NRXN3: variants seen among roughly 807,000 people sequenced by gnomAD.
NRXN3 encodes neurexin 3.
Under a neutral mutation model 137.6 loss-of-function variants are expected in NRXN3, and 32 were observed. The ratio of observed to expected loss-of-function variants is 0.23; its 90% CI spans 0.18 to 0.31. The LOEUF is 0.31. Among genes scored for constraint, NRXN3 ranks in the 10% least tolerant of loss-of-function variants. The probability of loss-of-function intolerance (pLI) is 1.00; values close to 1 mark genes in which losing one functional copy is unlikely to be tolerated. For missense variants in NRXN3, 1,574 were observed against 2,062.5 expected (o/e 0.76, Z 4.59); for synonymous variants, 798 against 784.5 (o/e 1.02, Z -0.29).
chr14:78,527,237 C>T (rs187471572), intron 4 of NRXN3, among the ~76,000 whole-genome samples: 274 of 152,298 alleles, frequency 1.8e-3, no homozygotes, highest in African/African-American at 6.3e-3. Context: ...CATGGTACTG[C>T]AGGCTGTACA....
At chr14:78,806,442 G>T (rs557985839) in intron 9 of NRXN3, among the ~76,000 whole-genome samples, 2 of 152,192 alleles carry the variant, frequency 1.3e-5, no homozygotes, top group East Asian at 3.9e-4. Context: ...AGTAGAATTT[G>T]TCTTCACATG....
chr14:79,538,968 C>T (rs1196244100), intron 16 of NRXN3, among the ~76,000 whole-genome samples: 1 of 152,076 alleles, frequency 6.6e-6, no homozygotes, highest in African/African-American at 2.4e-5. Context: ...TGAACTTATC[C>T]CTATTTTACA....
chr14:79,773,327 A>T (rs2139859694), intron 19 of NRXN3, among the ~76,000 whole-genome samples: 1 of 152,206 alleles, frequency 6.6e-6, no homozygotes, highest in South Asian at 2.1e-4. Flanking sequence ...ACACATGCAC[A>T]CGTATGTTTA....
Position 78,188,167 on chromosome 14 carries a change from G to C in NRXN3, c.-704+17493G>C, listed in dbSNP as rs117148349. ...TCCGGGACCAAAAACAGGACTGCAGGATTCAAGGTTTTTCCCCTATAGGAT... is the reference window on the plus strand; with the variant it reads ...TCCGGGACCAAAAACAGGACTGCAGCATTCAAGGTTTTTCCCCTATAGGAT... On this transcript the variant is annotated intron_variant, in intron 1 of 20. Transcript: ENST00000335750. Among the ~76,000 whole-genome samples, 39 of 152,278 alleles carry C rather than the reference G, an allele frequency of 2.6e-4. No homozygotes were observed. The East Asian group carries it at 6.9e-3, about 27-fold the overall frequency.
chr14:78,970,477 A>G (rs2099433584), intron 14 of NRXN3, among the ~76,000 whole-genome samples: 1 of 152,172 alleles, frequency 6.6e-6, no homozygotes. Context: ...GGCTACATGC[A>G]TTTAAAGTGC....
intron 20 of NRXN3, among the ~76,000 whole-genome samples, chr14:79,858,783 C>G (rs1192523877): frequency 6.6e-6 from 1 of 152,102 alleles, no homozygotes; most frequent in Non-Finnish European, 1.5e-5. Context: ...TGCCCTCTTT[C>G]ATATATCACC....
At chr14:79,314,637 A>G (rs2088008565) in intron 15 of NRXN3, among the ~76,000 whole-genome samples, 1 of 117,808 alleles carries the variant, frequency 8.5e-6, no homozygotes, top group South Asian at 3.3e-4. Flanking sequence ...AAAAGACAGC[A>G]GTAACCTCTG....
At chr14:78,368,922 A>G (rs140663691) in intron 4 of NRXN3, among the ~76,000 whole-genome samples, 317 of 152,216 alleles carry the variant, frequency 2.1e-3, no homozygotes, top group African/African-American at 7.3e-3. Context: ...AGTGAACACC[A>G]TTTGTCTGTG....
At chr14:78,899,192 AAG>A (rs2099187637) in intron 10 of NRXN3, among the ~76,000 whole-genome samples, 1 of 151,900 alleles carries the variant, frequency 6.6e-6, no homozygotes, top group Non-Finnish European at 1.5e-5. Flanking sequence ...GGAAAACAGG[AAG>A]AGAGAAAAAG....
chr14:79,274,886 A>G (rs964957299), intron 15 of NRXN3, among the ~76,000 whole-genome samples: 2 of 152,232 alleles, frequency 1.3e-5, no homozygotes, highest in Non-Finnish European at 2.9e-5. Flanking sequence ...AGGATAAGTT[A>G]AAGAGGCAGA....
At chr14:79,267,165 T>C (rs753611330) in intron 15 of NRXN3, among the ~76,000 whole-genome samples, 31 of 152,186 alleles carry the variant, frequency 2.0e-4, no homozygotes, top group Admixed American at 2.0e-3. Flanking sequence ...TGACCTGTTA[T>C]AAACATATAG....
chr14:78,943,618 AAAAATATATATATATATATAT>A (rs1432611234), intron 10 of NRXN3, among the ~76,000 whole-genome samples: 15 of 39,950 alleles, frequency 3.8e-4, no homozygotes, highest in Non-Finnish European at 4.8e-4. Flanking sequence ...GTTAAAAAAA[AAAAATATATATATATATATAT>A]ATATATATAT....
At chr14:79,028,696 A>G (rs1434655252) in intron 15 of NRXN3, among the ~76,000 whole-genome samples, 1 of 152,106 alleles carries the variant, frequency 6.6e-6, no homozygotes, top group South Asian at 2.1e-4. Context: ...AGTGGAGGAG[A>G]GTCATGGTTG....
At chr14:78,945,722 C>G (rs2099363880) in intron 10 of NRXN3, among the ~76,000 whole-genome samples, 1 of 152,180 alleles carries the variant, frequency 6.6e-6, no homozygotes, top group Non-Finnish European at 1.5e-5. Context: ...CAGATGCCTC[C>G]CTGGAATCCT....
rs1286975454 is a variant in NRXN3 at position 78,778,659 on chromosome 14, CCTTTTCTTTTCT to C, written c.2045-24948_2045-24937del. Among the ~76,000 whole-genome samples the C allele has an allele frequency of 3.4e-5, 5 of 148,540 alleles. No individual in the cohort carries two copies. The East Asian group carries it at 8.0e-4, about 24-fold the overall frequency. ...AAATTCTCATTTCTTCCCTTCTTTT[CCTTTTCTTTTCT>C]CTTTTCTTTTCTTTCTTTCTTTCTT... On this transcript the variant is annotated intron_variant, in intron 8 of 20. Transcript: ENST00000335750.
chr14:78,773,346 T>A (rs1211716564), intron 8 of NRXN3, among the ~76,000 whole-genome samples: 1 of 152,120 alleles, frequency 6.6e-6, no homozygotes, highest in Non-Finnish European at 1.5e-5. Flanking sequence ...TTCCTACTCC[T>A]CCCCTTCCCT....
At chr14:79,521,592 A>C (rs1295604524) in intron 16 of NRXN3, among the ~76,000 whole-genome samples, 1 of 152,180 alleles carries the variant, frequency 6.6e-6, no homozygotes, top group African/African-American at 2.4e-5. Context: ...AAAAACATGC[A>C]TGTATTAAAA....
At chr14:78,227,631 G>A (rs374346006) in intron 1 of NRXN3, among the ~76,000 whole-genome samples, 3 of 152,324 alleles carry the variant, frequency 2.0e-5, no homozygotes, top group Non-Finnish European at 4.4e-5. Context: ...GTTCTCTGCG[G>A]TGACGTCCTT....
At position 78,242,932 on chromosome 14, in the gene NRXN3, C is replaced by T. The variant is rs2153453043; in HGVS notation, c.-162C>T. ...GACTCTCTTGTACACTTTCCTCCAT[C>T]TCCACTATCTCAGGATCTGTGTGTG... On this transcript the variant is annotated 5_prime_UTR_variant, in exon 2 of 21. Coordinates refer to ENST00000335750, the MANE Select transcript of NRXN3 (RefSeq NM_001330195.2). 3.4e-6 allele frequency: 2 copies of T among 586,962 alleles called. No homozygotes were observed. Among genetic ancestry groups the T allele is most frequent in the Non-Finnish European group, 3.0e-6 (1 of 334,374 alleles). The allele number at this position is 586,962 out of a possible 1,614,324, so 36.4% of individuals were successfully genotyped here. A position where few individuals can be genotyped will look rare whatever the true frequency, so the allele number is the denominator to read the frequency against.
Sources: gnomAD v4.1 joint callset for allele counts (sites outside exome capture counted in the v4.1 genomes callset) on GRCh38, gnomAD v4.1.1 for gene constraint, MANE v1.5 for transcripts, NCBI Gene and HGNC (gene_info 2026-07-23, HGNC 2026-07-21) for gene names.